KANSL1L: variants seen among roughly 807,000 people sequenced by gnomAD.
KANSL1L encodes KAT8 regulatory NSL complex subunit 1 like.
KANSL1L carries 25 observed loss-of-function variants against 108.6 expected under a neutral mutation model. That is an observed-to-expected ratio of 0.23 (90% CI 0.17 to 0.32). KANSL1L has a LOEUF of 0.32. Among genes scored for constraint, KANSL1L ranks in the 10% least tolerant of loss-of-function variants. The probability of loss-of-function intolerance (pLI) is 1.00; values close to 1 mark genes in which losing one functional copy is unlikely to be tolerated. For missense variants in KANSL1L, 1,137 were observed against 1,125.7 expected (o/e 1.01, Z -0.14); for synonymous variants, 405 against 395.1 (o/e 1.03, Z -0.30).
chr2:210,157,691 GAAAAAAAA>G (rs56676129), intron 1 of KANSL1L, among the ~76,000 whole-genome samples: 5 of 47,168 alleles, frequency 1.1e-4, no homozygotes, highest in Non-Finnish European at 1.4e-4. Context: ...CACTGTCACA[GAAAAAAAA>G]AAAAAAAAAA....
chr2:210,102,945 G>A (rs190584537), intron 4 of KANSL1L, among the ~76,000 whole-genome samples: 1 of 152,244 alleles, frequency 6.6e-6, no homozygotes, highest in African/African-American at 2.4e-5. Flanking sequence ...AATACCATTT[G>A]ACCCAGCCAT....
At chr2:210,122,335 C>T (rs925668115) in intron 3 of KANSL1L, among the ~76,000 whole-genome samples, 3 of 152,088 alleles carry the variant, frequency 2.0e-5, no homozygotes, top group African/African-American at 7.2e-5. Context: ...TAAAAATAGA[C>T]ACACAGACCA....
intron 2 of KANSL1L, among the ~76,000 whole-genome samples, chr2:210,129,810 C>T (rs118055058): frequency 6.6e-6 from 1 of 152,094 alleles, no homozygotes; most frequent in East Asian, 1.9e-4. Context: ...GGATTCACAA[C>T]CTACAGATCA....
At position 210,027,324 on chromosome 2, in the gene KANSL1L, A is replaced by G; in HGVS notation, c.2423T>C (p.Leu808Ser). The change falls in exon 12 of 15, where the codon TTG becomes TCG. Residue 808 changes from leucine (L) to serine (S), a missense_variant. This residue lies in a region of KANSL1L where 575 missense variants were observed against 567.1 expected (regional missense o/e 1.01). Coordinates refer to ENST00000281772, the MANE Select transcript of KANSL1L (RefSeq NM_152519.4). The part of the protein sequence containing the change: ...PSWRMVVLQP[L>S]DEYNLGKEEI... ...TTCTTTGCCTAAATTATATTCATCCAAAGGCTGAAGAACAACCATCCTCCA... is the reference window on the plus strand; with the variant it reads ...TTCTTTGCCTAAATTATATTCATCCGAAGGCTGAAGAACAACCATCCTCCA... The G allele has an allele frequency of 6.2e-7, 1 of 1,612,764 alleles. No individual in the cohort carries two copies. The highest frequency in any genetic ancestry group is 8.5e-7 in the Non-Finnish European group (1 of 1,178,862).
At chr2:210,079,027 T>C (rs1055708544) in intron 5 of KANSL1L, among the ~76,000 whole-genome samples, 17 of 152,188 alleles carry the variant, frequency 1.1e-4, no homozygotes, top group African/African-American at 4.1e-4. Flanking sequence ...TGTAGCTCAC[T>C]GCAGCCTCAA....
chr2:210,139,407 C>T (rs1456831399), intron 2 of KANSL1L, among the ~76,000 whole-genome samples: 1 of 152,088 alleles, frequency 6.6e-6, no homozygotes, highest in Non-Finnish European at 1.5e-5. Flanking sequence ...GATTTAATTT[C>T]CTTTTGACAT....
intron 8 of KANSL1L, chr2:210,032,143 T>C (rs1462300705): frequency 2.6e-5 from 4 of 152,210 alleles, no homozygotes; most frequent in African/African-American, 9.7e-5. Flanking sequence ...AACAACCAAA[T>C]TGGCTTCTTT....
intron 12 of KANSL1L, among the ~76,000 whole-genome samples, chr2:210,026,932 G>A (rs552785706): frequency 1.3e-5 from 2 of 151,812 alleles, no homozygotes; most frequent in Admixed American, 6.5e-5. Flanking sequence ...CACCACGCCC[G>A]ACTAATTTTT....
intron 2 of KANSL1L, among the ~76,000 whole-genome samples, chr2:210,149,792 G>GA (rs1559604119): frequency 6.6e-6 from 1 of 151,026 alleles, no homozygotes; most frequent in African/African-American, 2.4e-5. Flanking sequence ...TTTCCCACAA[G>GA]AAATCTATTA....
intron 1 of KANSL1L, 42 bp from the exon 2 acceptor site, chr2:210,154,653 AATTT>A: frequency 7.9e-7 from 1 of 1,272,550 alleles, no homozygotes; most frequent in Non-Finnish European, 1.0e-6. Flanking sequence ...TCTAGAAAAA[AATTT>A]TATGCTTATA....
At chr2:210,160,612 A>G (rs2095356526) in intron 1 of KANSL1L, among the ~76,000 whole-genome samples, 1 of 152,242 alleles carries the variant, frequency 6.6e-6, no homozygotes, top group African/African-American at 2.4e-5. Context: ...TAAACACAAG[A>G]TGATGCACAT....
At chr2:210,038,923 C>G (rs59776875) in intron 8 of KANSL1L, among the ~76,000 whole-genome samples, 1,631 of 152,008 alleles carry the variant, frequency 0.011, 25 homozygotes, top group African/African-American at 0.035. Flanking sequence ...TCAATCAGTG[C>G]TGACATATAA....
At chr2:210,053,137 ATAATGCTTT>A (rs1188823393) in intron 6 of KANSL1L, among the ~76,000 whole-genome samples, 1 of 152,250 alleles carries the variant, frequency 6.6e-6, no homozygotes, top group Non-Finnish European at 1.5e-5. Flanking sequence ...TGCAATGTGT[ATAATGCTTT>A]TATCAGGTAA....
intron 8 of KANSL1L, among the ~76,000 whole-genome samples, chr2:210,037,982 A>G (rs542532720): frequency 2.8e-4 from 42 of 152,276 alleles, no homozygotes; most frequent in Non-Finnish European, 5.0e-4. Context: ...CTACACGACT[A>G]TAATTTTACC....
chr2:210,155,923 C>T (rs1251791388), intron 1 of KANSL1L, among the ~76,000 whole-genome samples: 1 of 152,024 alleles, frequency 6.6e-6, no homozygotes, highest in Non-Finnish European at 1.5e-5. Context: ...CTTAAAAACA[C>T]AAAACCAAAA....
At chr2:210,166,218 G>A (rs1292407705) in intron 1 of KANSL1L, among the ~76,000 whole-genome samples, 3 of 152,022 alleles carry the variant, frequency 2.0e-5, no homozygotes, top group Middle Eastern at 3.4e-3. Context: ...TATGAATTTA[G>A]CATTAATTAA....
chr2:210,066,340 A>G (rs966769051), intron 6 of KANSL1L, among the ~76,000 whole-genome samples: 1 of 152,238 alleles, frequency 6.6e-6, no homozygotes, highest in African/African-American at 2.4e-5. Flanking sequence ...GGTAATCCAC[A>G]GAATCATGAA....
intron 6 of KANSL1L, among the ~76,000 whole-genome samples, chr2:210,052,724 C>G (rs2094306805): frequency 6.6e-6 from 1 of 152,162 alleles, no homozygotes; most frequent in Admixed American, 6.5e-5. Context: ...AGGTAGGAAC[C>G]CTTTCTGTCA....
chr2:210,137,368 A>G (rs1417273865), intron 2 of KANSL1L, among the ~76,000 whole-genome samples: 2 of 152,220 alleles, frequency 1.3e-5, no homozygotes, highest in African/African-American at 4.8e-5. Context: ...GACCTTGATC[A>G]TTTCAAAATG....
Sources: gnomAD v4.1 joint callset for allele counts (sites outside exome capture counted in the v4.1 genomes callset) on GRCh38, gnomAD v4.1.1 for gene constraint, gnomAD v4.1.1 regional missense constraint, MANE v1.5 for transcripts, NCBI Gene and HGNC (gene_info 2026-07-23, HGNC 2026-07-21) for gene names.